Variants in USP50 observed in about 807,000 individuals in gnomAD.
USP50 encodes the protein ubiquitin specific peptidase 50.
In USP50, 37 loss-of-function variants were observed where a neutral mutation model predicts 39.2. The ratio of observed to expected loss-of-function variants is 0.94; its 90% confidence interval spans 0.73 to 1.24. USP50 has a LOEUF of 1.24. Ranked by LOEUF, USP50 falls within the 50% of genes most tolerant of loss-of-function variation. The pLI is 0.00. For synonymous variants in USP50, 139 were observed against 144.5 expected, an observed-to-expected ratio of 0.96 and a Z score of 0.27; for missense variants, 374 against 398.2, an observed-to-expected ratio of 0.94 and a Z score of 0.52.
At chr15:50,532,206 A>G (rs1271766098) in intron 5 of USP50, 1 of 456,308 alleles carries the variant, frequency 2.2e-6, no homozygotes, top group East Asian at 6.9e-5. Flanking sequence ...GGTAAATATT[A>G]GAGACAAATC....
chr15:50,546,357 C>T (rs2053070896), intron 1 of USP50, 116 bp downstream of exon 1: 4 of 1,078,664 alleles, frequency 3.7e-6, no homozygotes, highest in Non-Finnish European at 5.6e-6. Context: ...CGGGGACCTT[C>T]CATGGGTCAC....
chr15:50,500,969 G>T, intron 6 of USP50, 132 bp from the exon 7 acceptor site: 1 of 760,616 alleles, frequency 1.3e-6, no homozygotes, highest in Non-Finnish European at 2.2e-6. Flanking sequence ...TAATTTTGTT[G>T]TTAAATCATG....
At chr15:50,520,501 T>C (rs553645545) in intron 6 of USP50, among the ~76,000 whole-genome samples, 42 of 152,100 alleles carry the variant, frequency 2.8e-4, no homozygotes, top group African/African-American at 7.7e-4. Flanking sequence ...GGTGTCACTA[T>C]GTTGCTCAGG....
intron 6 of USP50, among the ~76,000 whole-genome samples, chr15:50,516,388 C>A (rs1446997254): frequency 2.0e-5 from 3 of 152,070 alleles, no homozygotes; most frequent in Non-Finnish European, 4.4e-5. Context: ...ATCACGAGGT[C>A]AGGAGTTCGA....
chr15:50,510,032 A>G (rs2052716973), intron 6 of USP50: 1 of 152,080 alleles, frequency 6.6e-6, no homozygotes, highest in Non-Finnish European at 1.5e-5. Context: ...CTAAATTAAG[A>G]ATTAATTCAA....
chr15:50,519,984 T>C (rs2052836020), intron 6 of USP50, among the ~76,000 whole-genome samples: 1 of 152,000 alleles, frequency 6.6e-6, no homozygotes. Flanking sequence ...CACCCTCATG[T>C]TTATTGCAGC....
At chr15:50,539,421 GC>G (rs1349488028) in intron 4 of USP50, among the ~76,000 whole-genome samples, 3 of 116,248 alleles carry the variant, frequency 2.6e-5, no homozygotes, top group African/African-American at 6.2e-5. Context: ...TACTGATTTT[GC>G]AATTTTTTTT....
intron 6 of USP50, among the ~76,000 whole-genome samples, chr15:50,519,480 C>T (rs934859482): frequency 4.6e-5 from 7 of 151,662 alleles, no homozygotes; most frequent in Non-Finnish European, 7.4e-5. Context: ...TTTGGGAGGC[C>T]GAGGCGGGTG....
chr15:50,493,114 T>C (rs1462113720), downstream of USP50: 1 of 657,302 alleles, frequency 1.5e-6, no homozygotes, highest in Non-Finnish European at 2.8e-6. Context: ...GCTTTTTTGC[T>C]GCATCCTCAC....
At chr15:50,506,028 C>T (rs1566900994) in intron 6 of USP50, 1 of 152,180 alleles carries the variant, frequency 6.6e-6, no homozygotes, top group African/African-American at 2.4e-5. Context: ...CTTTCCATTT[C>T]TTTGGGAGCA....
chr15:50,499,168 G>C (rs2052525515), downstream of USP50: 1 of 1,376,608 alleles, frequency 7.3e-7, no homozygotes, highest in Non-Finnish European at 9.7e-7. Context: ...GATAATGGTA[G>C]CTATAGCTGG....
chr15:50,539,283 A>G lies in USP50; in HGVS notation c.661-432T>C, dbSNP rs148295466. Among the ~76,000 whole-genome samples, 569 of 150,992 alleles carry G rather than the reference A, an allele frequency of 3.8e-3. 6 individuals carry two copies. The highest frequency in any genetic ancestry group is 0.013 in the African/African-American group (554 of 41,128). On this transcript the variant is annotated intron_variant, in intron 4 of 6. Transcript: ENST00000532404. ...ACCACCAAGCCCAGCTAATCTTTAT[A>G]TTTTTAGTAGAAATGGGGTGATCTG... is the stretch of plus-strand genomic sequence containing the variant.
chr15:50,536,981 G>C (rs1044935807), intron 5 of USP50, among the ~76,000 whole-genome samples: 12 of 152,112 alleles, frequency 7.9e-5, no homozygotes, highest in African/African-American at 2.9e-4. Context: ...AAGATCCAGA[G>C]TAGCCAAAAC....
chr15:50,521,760 CA>C (rs1175607908), intron 6 of USP50, among the ~76,000 whole-genome samples: 4 of 151,818 alleles, frequency 2.6e-5, no homozygotes, highest in Non-Finnish European at 5.9e-5. Flanking sequence ...GTCAGGAGTT[CA>C]AGACCAGCCT....
intron 1 of USP50, 136 bp downstream of exon 1, chr15:50,546,333 TCTTC>T (rs200496805): frequency 0.028 from 22,482 of 795,232 alleles, 391 homozygotes; most frequent in Non-Finnish European, 0.037. Flanking sequence ...TTAGGTACAA[TCTTC>T]CTTCCTTTCC....
intron 5 of USP50, among the ~76,000 whole-genome samples, chr15:50,534,548 T>C (rs1398113051): frequency 6.6e-6 from 1 of 152,158 alleles, no homozygotes; most frequent in Non-Finnish European, 1.5e-5. Context: ...TCTATATACA[T>C]TAATTAAAAC....
chr15:50,528,428 G>A (rs2052915980), intron 6 of USP50, among the ~76,000 whole-genome samples: 1 of 151,926 alleles, frequency 6.6e-6, no homozygotes, highest in African/African-American at 2.4e-5. Context: ...TAATACAAGA[G>A]GGAGCCACTG....
chr15:50,515,245 G>A (rs912903925), intron 6 of USP50, among the ~76,000 whole-genome samples: 1 of 151,894 alleles, frequency 6.6e-6, no homozygotes, highest in Non-Finnish European at 1.5e-5. Flanking sequence ...TTTTGTTGTT[G>A]TTGTTGTTGT....
At chr15:50,533,189 TAA>T (rs575991636) in intron 5 of USP50, among the ~76,000 whole-genome samples, 11 of 78,728 alleles carry the variant, frequency 1.4e-4, no homozygotes, top group Admixed American at 1.2e-4. Context: ...GAAAATAGAC[TAA>T]AAAAAAAAAA....
Sources: allele counts gnomAD v4.1 joint callset (sites outside exome capture counted in the v4.1 genomes callset), GRCh38; gene constraint gnomAD v4.1.1; transcripts MANE v1.5; gene names NCBI Gene and HGNC (gene_info 2026-07-23, HGNC 2026-07-21).